Variants in KDM4B observed in about 807,000 individuals in gnomAD.
The protein encoded by KDM4B is lysine-specific demethylase 4B.
KDM4B carries 32 observed loss-of-function variants against 125.2 expected under a neutral mutation model. That is an observed-to-expected ratio of 0.26 (90% confidence interval 0.19 to 0.34). KDM4B has a LOEUF of 0.34. Among genes scored for constraint, KDM4B ranks in the 10% least tolerant of loss-of-function variants. The pLI, the probability that KDM4B is intolerant of heterozygous loss-of-function variation, is 1.00. For missense variants in KDM4B, 1,190 were observed against 1,577.7 expected, an observed-to-expected ratio of 0.75 and a Z score of 4.16; for synonymous variants, 721 against 677.9, an observed-to-expected ratio of 1.06 and a Z score of -0.99.
chr19:5,068,671 G>C lies in KDM4B; in HGVS notation c.627-2339G>C, dbSNP rs1245667804. ...GTTGTTCCGAGTGGCGGGAGGTGCA[G>C]CTCGCTGTTGGGCACTGGCGGTGGC... On this transcript the variant is annotated intron_variant, in intron 6 of 22. Transcript: ENST00000159111. Among the ~76,000 whole-genome samples, 5 of 152,342 alleles carry C rather than the reference G, an allele frequency of 3.3e-5. No individual in the cohort carries two copies. In the East Asian group the frequency reaches 7.7e-4, roughly 24 times the overall value.
intron 9 of KDM4B, among the ~76,000 whole-genome samples, chr19:5,090,030 A>C (rs189175405): frequency 1.4e-4 from 21 of 152,088 alleles, no homozygotes; most frequent in African/African-American, 4.3e-4. Context: ...CAAGACAAAA[A>C]CACAAAAACT....
At chr19:5,059,665 G>A (rs1014147437) in intron 6 of KDM4B, among the ~76,000 whole-genome samples, 1 of 152,222 alleles carries the variant, frequency 6.6e-6, no homozygotes, top group African/African-American at 2.4e-5. Context: ...ATCATTACAC[G>A]CGCCATTTAG....
In KDM4B at chr19:5,144,913, G is replaced by A. The variant is rs773295775; in HGVS notation, c.3021+11G>A. ...AGCCACATCTACCAGGTAAGCGGGG[G>A]ATCTGGCAGCCGCGCCATGCCTTCA... On this transcript the variant is annotated intron_variant, in intron 21 of 22. Coordinates refer to ENST00000159111, the MANE Select transcript of KDM4B (RefSeq NM_015015.3). The A allele has an allele frequency of 4.3e-6, 7 of 1,612,876 alleles. No homozygotes were observed. The East Asian group carries it at 1.6e-4, about 36-fold the overall frequency.
In KDM4B at chr19:5,081,011, A is replaced by C. The variant is rs2038275990; in HGVS notation, c.781-1356A>C. Reference sequence around the variant, plus strand: ...GAGGGAACGAGGTCTGTGGTGACTGAGAGCGCGTGCGTGGTTCGGTGGGGA... The same window carrying C: ...GAGGGAACGAGGTCTGTGGTGACTGCGAGCGCGTGCGTGGTTCGGTGGGGA... On this transcript the variant is annotated intron_variant, in intron 8 of 22. Transcript: ENST00000159111. This position sits in a 1 kb window ranked among gnomAD's most constrained non-coding sequence, Gnocchi z 4.2. 6.6e-6 allele frequency: 1 copy of C among 152,238 alleles called. No homozygotes were observed. The highest frequency in any genetic ancestry group is 2.4e-5 in the African/African-American group (1 of 41,452). The allele number at this position is 152,238 out of a possible 1,614,324, so 9.4% of individuals were successfully genotyped here.
chr19:5,123,981 TGGGCTGGCA>T (rs1412729067), intron 11 of KDM4B, among the ~76,000 whole-genome samples: 3 of 81,486 alleles, frequency 3.7e-5, no homozygotes, highest in Admixed American at 3.3e-4. Context: ...CCCCACAGGA[TGGGCTGGCA>T]GGGGTGGGCT....
At chr19:5,033,332 GGTT>G (rs1369777023) in intron 3 of KDM4B, among the ~76,000 whole-genome samples, 1 of 152,256 alleles carries the variant, frequency 6.6e-6, no homozygotes, top group East Asian at 1.9e-4. Context: ...TGGGCCACCA[GGTT>G]GTTCTGGCCG....
At chr19:5,056,347 C>G (rs939080243) in intron 6 of KDM4B, among the ~76,000 whole-genome samples, 2 of 152,082 alleles carry the variant, frequency 1.3e-5, no homozygotes, top group Admixed American at 6.6e-5. Flanking sequence ...GGCACTCCCC[C>G]GCTTTCCATG....
intron 1 of KDM4B, among the ~76,000 whole-genome samples, chr19:5,015,719 C>A (rs1384803641): frequency 1.3e-5 from 2 of 152,224 alleles, no homozygotes; most frequent in African/African-American, 4.8e-5. Flanking sequence ...CTTGGTGTCA[C>A]ATCCAAAGTT....
chr19:5,058,533 T>C (rs935125704), intron 6 of KDM4B, among the ~76,000 whole-genome samples: 2 of 152,106 alleles, frequency 1.3e-5, no homozygotes, highest in East Asian at 3.9e-4. Context: ...TCCAGGAGGA[T>C]GGAGTGGCTG....
intron 11 of KDM4B, among the ~76,000 whole-genome samples, chr19:5,129,245 T>C (rs1214557612): frequency 6.6e-6 from 1 of 152,032 alleles, no homozygotes; most frequent in Non-Finnish European, 1.5e-5. Context: ...TGGGGGCCCC[T>C]TGTGGGAGTG....
intron 11 of KDM4B, among the ~76,000 whole-genome samples, chr19:5,127,462 ACTTGTT>A (rs2039468752): frequency 6.6e-6 from 1 of 152,140 alleles, no homozygotes; most frequent in Admixed American, 6.5e-5. Flanking sequence ...AGGGCTGGAA[ACTTGTT>A]CTTGTGAGTT....
intron 1 of KDM4B, among the ~76,000 whole-genome samples, chr19:5,013,451 G>A (rs1180562531): frequency 1.3e-5 from 2 of 152,194 alleles, no homozygotes; most frequent in Non-Finnish European, 1.5e-5. Context: ...AACAGCACCC[G>A]TTCATTCTCT....
intron 9 of KDM4B, among the ~76,000 whole-genome samples, chr19:5,098,105 C>T (rs563371459): frequency 6.6e-6 from 1 of 152,320 alleles, no homozygotes; most frequent in Admixed American, 6.5e-5. Flanking sequence ...CCCAGCTGGG[C>T]CAGGGCTGGT....
chr19:5,000,603 G>C (rs748982043), intron 1 of KDM4B, among the ~76,000 whole-genome samples: 5 of 152,144 alleles, frequency 3.3e-5, no homozygotes, highest in Admixed American at 6.5e-5. Flanking sequence ...GCATCCTCCA[G>C]AGTAGGAGCC....
chr19:5,119,707 C>T lies in KDM4B; in HGVS notation c.1170C>T (p.Phe390=), dbSNP rs1057193692. The T allele has an allele frequency of 5.8e-6, 9 of 1,554,254 alleles. No homozygotes were observed. Among genetic ancestry groups the T allele is most frequent in the Non-Finnish European group, 7.8e-6 (9 of 1,148,648 alleles). ...AGCCGAAGCCCGAAGACCCCAAGTT[C>T]CCTGGGGAGGGTACGGCTGGGGCAG... ...PKKPKPEDPK[F]PGEGTAGAAL... is the part of the protein sequence containing the mutation. The change falls in exon 11 of 23, where the codon TTC becomes TTT. Residue 390 remains phenylalanine, a synonymous_variant. Coordinates refer to ENST00000159111, the MANE Select transcript of KDM4B (RefSeq NM_015015.3).
In KDM4B at chr19:5,019,435, CGG is replaced by C. The variant is rs1344722284; in HGVS notation, c.-26+3098_-26+3099del. Among the ~76,000 whole-genome samples the C allele has an allele frequency of 1.2e-3, 126 of 101,750 alleles. 2 individuals carry two copies. In the East Asian group the frequency reaches 0.037, roughly 30 times the overall value. 66.8% of individuals were successfully genotyped at this position (101,750 alleles called of 152,430 possible). ...AGGTGCTGGTGTGGACGTTGGTGTG[CGG>C]GTGTTGGTGTGCGTGTTGGTGTGCA... On this transcript the variant is annotated intron_variant, in intron 2 of 22. Coordinates refer to ENST00000159111, the MANE Select transcript of KDM4B (RefSeq NM_015015.3).
At chr19:4,976,649 C>T (rs950622515) in intron 1 of KDM4B, among the ~76,000 whole-genome samples, 30 of 152,218 alleles carry the variant, frequency 2.0e-4, no homozygotes, top group Non-Finnish European at 2.9e-5. Flanking sequence ...GCAGGGGAGT[C>T]GCAGATGGTG....
intron 7 of KDM4B, chr19:5,074,522 G>C (rs1241052750): frequency 1.3e-5 from 2 of 152,272 alleles, no homozygotes; most frequent in Non-Finnish European, 2.9e-5. Context: ...CTTAAAATGT[G>C]CGCCTTTGTT....
chr19:5,094,956 C>T (rs1247368288), intron 9 of KDM4B, among the ~76,000 whole-genome samples: 1 of 152,132 alleles, frequency 6.6e-6, no homozygotes, highest in Non-Finnish European at 1.5e-5. Context: ...GCTGATGCGT[C>T]CTGTGGAGGG....
Sources: allele counts gnomAD v4.1 joint callset (sites outside exome capture counted in the v4.1 genomes callset), GRCh38; gene constraint gnomAD v4.1.1; non-coding constraint Gnocchi (gnomAD v3.1); transcripts MANE v1.5; gene names NCBI Gene and HGNC (gene_info 2026-07-23, HGNC 2026-07-21).